CELF1: variants seen among roughly 807,000 people sequenced by gnomAD.
CELF1 encodes CUGBP Elav-like family member 1.
A neutral mutation model predicts 61.8 loss-of-function variants in CELF1; 10 were observed. The observed-to-expected ratio is 0.16, with a 90% confidence interval of 0.10 to 0.27. The LOEUF (loss-of-function observed/expected upper bound fraction) is 0.27, where lower values mean the gene tolerates loss of function less well. Among genes scored for constraint, CELF1 ranks in the 10% least tolerant of loss-of-function variants. CELF1 has a pLI of 1.00. For synonymous variants in CELF1, 236 were observed against 225.1 expected (o/e 1.05, Z -0.43); for missense variants, 380 against 639.1 (o/e 0.59, Z 4.37).
At chr11:47,513,923 A>T (rs2095398601) in intron 1 of CELF1, 1 of 99,760 alleles carries the variant, frequency 1.0e-5, no homozygotes, top group Admixed American at 1.3e-4. Context: ...CAAATACACA[A>T]AATTTTCCTT....
At chr11:47,542,941 G>A (rs1437251683) in intron 1 of CELF1, among the ~76,000 whole-genome samples, 3 of 151,700 alleles carry the variant, frequency 2.0e-5, no homozygotes, top group East Asian at 3.9e-4. Context: ...AAGACTAGGA[G>A]AGATCCCGTC....
chr11:47,552,133 G>A (rs1260068966), intron 1 of CELF1, among the ~76,000 whole-genome samples: 2 of 151,854 alleles, frequency 1.3e-5, no homozygotes, highest in Non-Finnish European at 2.9e-5. Context: ...CTTTTTACTC[G>A]AAGGTAATAA....
At chr11:47,493,141 C>T (rs545614769) in intron 3 of CELF1, among the ~76,000 whole-genome samples, 2 of 152,140 alleles carry the variant, frequency 1.3e-5, no homozygotes, top group Admixed American at 1.3e-4. Context: ...CTTTAGCTCT[C>T]CAAATCCTTC....
At chr11:47,479,319 T>A (rs995649967) in intron 9 of CELF1, among the ~76,000 whole-genome samples, 35 of 152,236 alleles carry the variant, frequency 2.3e-4, no homozygotes, top group African/African-American at 8.0e-4. Context: ...CATTTCCAGC[T>A]ACCCTCTCCC....
Position 47,489,817 on chromosome 11 carries a change from A to AC in CELF1, c.72-794dup, listed in dbSNP as rs1226614665. On this transcript the variant is annotated intron_variant, in intron 3 of 14. Transcript: ENST00000687097. ...GTAATTCTCCTATTTCAGTTTTATTACCTTTAGAACCTGAAGGATAATCAG... is the reference window on the plus strand; with the variant it reads ...GTAATTCTCCTATTTCAGTTTTATTACCCTTTAGAACCTGAAGGATAATCAG... 8.6e-5 allele frequency among the ~76,000 whole-genome samples: 13 copies of AC among 151,822 alleles called. No homozygotes were observed. In the East Asian group the frequency reaches 2.5e-3, roughly 29 times the overall value.
chr11:47,560,330 C>T (rs2097221316), intron 2 of CELF1, among the ~76,000 whole-genome samples: 3 of 152,058 alleles, frequency 2.0e-5, no homozygotes, highest in Admixed American at 2.0e-4. Context: ...ATGAGAATCG[C>T]CTGAACCCAG....
chr11:47,474,999 TC>T (rs2079353495), intron 13 of CELF1, among the ~76,000 whole-genome samples: 1 of 152,206 alleles, frequency 6.6e-6, no homozygotes, highest in African/African-American at 2.4e-5. Context: ...AGACAGAAGA[TC>T]CTCTGATAGA....
chr11:47,561,770 G>A (rs140707125), intron 2 of CELF1, among the ~76,000 whole-genome samples: 3 of 152,248 alleles, frequency 2.0e-5, no homozygotes, highest in African/African-American at 7.2e-5. Context: ...CAACTCAAAT[G>A]TTCATAAACT....
In CELF1 at chr11:47,517,514, T is replaced by C. The variant is rs1017817116; in HGVS notation, c.-153-16582A>G. On this transcript the variant is annotated intron_variant, in intron 1 of 14. Transcript: ENST00000687097. ...CAGCTAACTGATCAAGACGTATTCA[T>C]ATAATAAGAAAGGAATTACACATGG... Among the ~76,000 whole-genome samples, 10 of 152,162 alleles carry C rather than the reference T, an allele frequency of 6.6e-5. 1 individual carries two copies. The highest frequency in any genetic ancestry group is 5.2e-4 in the Admixed American group (8 of 15,274).
At chr11:47,496,558 T>C (rs1179389473) in intron 3 of CELF1, among the ~76,000 whole-genome samples, 1 of 152,120 alleles carries the variant, frequency 6.6e-6, no homozygotes, top group Non-Finnish European at 1.5e-5. Context: ...ATGAAAGAAG[T>C]GGCTAATATG....
Position 47,534,021 on chromosome 11 carries a change from CCTT to C in CELF1, c.-154+18968_-154+18970del, listed in dbSNP as rs1397283669. Reference sequence around the variant, plus strand: ...AAGTTATATTTAGCATTTTTTCTTTCCTTTTTTTTTTTTTTTTTTTTTTGGACA... The same window carrying C: ...AAGTTATATTTAGCATTTTTTCTTTCTTTTTTTTTTTTTTTTTTTTGGACA... On this transcript the variant is annotated intron_variant, in intron 1 of 14. Coordinates refer to ENST00000687097, the MANE Select transcript of CELF1 (RefSeq NM_001376376.1). 2.7e-3 allele frequency among the ~76,000 whole-genome samples: 262 copies of C among 98,492 alleles called. 1 individual carries two copies. The highest frequency in any genetic ancestry group is 0.02 in the Middle Eastern group (4 of 202). 64.6% of individuals were successfully genotyped at this position (98,492 alleles called of 152,430 possible). A position where few individuals can be genotyped will look rare whatever the true frequency, so the allele number is the denominator to read the frequency against.
At chr11:47,541,977 TAGAA>T (rs888871948) in intron 1 of CELF1, among the ~76,000 whole-genome samples, 1 of 152,068 alleles carries the variant, frequency 6.6e-6, no homozygotes, top group African/African-American at 2.4e-5. Flanking sequence ...AGTTATAACT[TAGAA>T]AGAAAGTAAA....
chr11:47,473,257 A>T, intron 13 of CELF1, 26 bp from the exon 14 acceptor site: 1 of 1,607,646 alleles, frequency 6.2e-7, no homozygotes, highest in Non-Finnish European at 8.5e-7. Flanking sequence ...GAATTGGAAA[A>T]GTATCAGTGT....
Position 47,476,805 on chromosome 11 carries a change from C to T in CELF1, c.1087+41G>A, listed in dbSNP as rs368704993. On this transcript the variant is annotated intron_variant, in intron 12 of 14. Coordinates refer to ENST00000687097, the MANE Select transcript of CELF1 (RefSeq NM_001376376.1). Reference sequence around the variant, plus strand: ...TACCAGGGTTAAGATGTGCTACCTGCACAAAGAATAGTCTGATGACAGCCA... The same window carrying T: ...TACCAGGGTTAAGATGTGCTACCTGTACAAAGAATAGTCTGATGACAGCCA... The T allele has an allele frequency of 1.7e-4, 246 of 1,479,654 alleles. 1 individual carries two copies. The highest frequency in any genetic ancestry group is 1.8e-4 in the Middle Eastern group (1 of 5,668). 91.7% of individuals were successfully genotyped at this position (1,479,654 alleles called of 1,614,324 possible).
chr11:47,544,733 C>T (rs552778032), intron 1 of CELF1, among the ~76,000 whole-genome samples: 5 of 152,084 alleles, frequency 3.3e-5, no homozygotes, highest in Admixed American at 6.6e-5. Flanking sequence ...GAGGCTGAGG[C>T]GGGCAGTTCA....
intron 3 of CELF1, among the ~76,000 whole-genome samples, chr11:47,490,837 CTTCTT>C (rs2091082849): frequency 6.6e-6 from 1 of 151,730 alleles, no homozygotes; most frequent in Admixed American, 6.6e-5. Flanking sequence ...AGTAGCTCAC[CTTCTT>C]TTAATTACTA....
At chr11:47,545,241 C>A (rs1248166437) in intron 1 of CELF1, among the ~76,000 whole-genome samples, 1 of 152,082 alleles carries the variant, frequency 6.6e-6, no homozygotes, top group Admixed American at 6.6e-5. Context: ...ACCAGCCTGA[C>A]CAACATGAAG....
At chr11:47,485,451 G>A (rs1398727351) in intron 6 of CELF1, among the ~76,000 whole-genome samples, 1 of 152,206 alleles carries the variant, frequency 6.6e-6, no homozygotes, top group African/African-American at 2.4e-5. Context: ...GATTACAGGT[G>A]TGCGCCACTG....
intron 1 of CELF1, 49 bp from the exon 2 acceptor site, chr11:47,500,981 T>TAA (rs111718844): frequency 2.5e-5 from 9 of 357,838 alleles, no homozygotes; most frequent in African/African-American, 6.5e-5. Context: ...GAGTTAACGT[T>TAA]AAAAAAAAAA....
Sources: allele counts gnomAD v4.1 joint callset (sites outside exome capture counted in the v4.1 genomes callset), GRCh38; gene constraint gnomAD v4.1.1; transcripts MANE v1.5; gene names NCBI Gene and HGNC (gene_info 2026-07-23, HGNC 2026-07-21).